The following ONECUT3 variants were observed in gnomAD, a reference collection of about 807,000 sequenced individuals.
ONECUT3 encodes the protein one cut domain family member 3.
A neutral mutation model predicts 16.8 loss-of-function variants in ONECUT3; 11 were observed. That is an observed-to-expected ratio of 0.66 (90% CI 0.41 to 1.09). The LOEUF is 1.09. Ranked by LOEUF, ONECUT3 falls within the 50% of genes least tolerant of loss-of-function variation. The pLI, the probability that ONECUT3 is intolerant of heterozygous loss-of-function variation, is 0.00. For missense variants in ONECUT3, 637 were observed against 629.9 expected (o/e 1.01, Z -0.12); for synonymous variants, 344 against 310.7 (o/e 1.11, Z -1.13).
Position 1,758,020 on chromosome 19 carries a change from T to C in ONECUT3, c.1192+3166T>C, listed in dbSNP as rs1427458428. 2.0e-5 allele frequency among the ~76,000 whole-genome samples: 3 copies of C among 152,182 alleles called. No individual in the cohort carries two copies. Among genetic ancestry groups the C allele is most frequent in the African/African-American group, 7.2e-5 (3 of 41,456 alleles). On this transcript the variant is annotated intron_variant, in intron 1 of 1. Transcript: ENST00000382349. The surrounding 1 kb of genome is among the most constrained non-coding windows in gnomAD (Gnocchi z 5.9). ...TGCGCCCCGGGTCTCCCGTCGCGCTTGCCCGGCTCGGGGCGGGCCACGCGT... is the reference window on the plus strand; with the variant it reads ...TGCGCCCCGGGTCTCCCGTCGCGCTCGCCCGGCTCGGGGCGGGCCACGCGT...
At chr19:1,760,752 A>T (rs1475390041) in intron 1 of ONECUT3, among the ~76,000 whole-genome samples, 1 of 151,930 alleles carries the variant, frequency 6.6e-6, no homozygotes, top group Non-Finnish European at 1.5e-5. Context: ...CCCCCTCCCA[A>T]CGCCAGCCTC....
rs2067935016 is a variant in ONECUT3 at position 1,759,533 on chromosome 19, A to G, written c.1192+4679A>G. Among the ~76,000 whole-genome samples the G allele has an allele frequency of 6.6e-6, 1 of 151,842 alleles. No homozygotes were observed. Among genetic ancestry groups the G allele is most frequent in the South Asian group, 2.1e-4 (1 of 4,814 alleles). ...AGGGAAGGAAGGGGAGAGAGGAGAG[A>G]GGGAAAGACCCCTGTGCCTTTTGCA... On this transcript the variant is annotated intron_variant, in intron 1 of 1. Transcript: ENST00000382349. The surrounding 1 kb of genome is among the most constrained non-coding windows in gnomAD (Gnocchi z 4.1).
At position 1,779,420 on chromosome 19, in the gene ONECUT3, AGAGAGAGAGAGGGAGAGAGAGGGAGAGG is replaced by A. The variant is rs2068138387; in HGVS notation, c.*3988_*4015del. ...AAGAGAGAGAGAGAGCGAGCGCAAG[AGAGAGAGAGAGGGAGAGAGAGGGAGAGG>A]GAGAGAGAGAGGCAGAGGTATACCT... On this transcript the variant is annotated 3_prime_UTR_variant, in exon 2 of 2. Coordinates refer to ENST00000382349, the MANE Select transcript of ONECUT3 (RefSeq NM_001080488.2). 1 of 150,612 alleles carries A rather than the reference AGAGAGAGAGAGGGAGAGAGAGGGAGAGG, an allele frequency of 6.6e-6. No homozygotes were observed. The highest frequency in any genetic ancestry group is 1.5e-5 in the Non-Finnish European group (1 of 67,420). 9.3% of individuals were successfully genotyped at this position (150,612 alleles called of 1,614,324 possible). A position where few individuals can be genotyped will look rare whatever the true frequency, so the allele number is the denominator to read the frequency against.
chr19:1,766,056 G>A lies in ONECUT3; in HGVS notation c.1193-9097G>A, dbSNP rs1251359624. Among the ~76,000 whole-genome samples the A allele has an allele frequency of 2.0e-5, 3 of 152,220 alleles. No individual in the cohort carries two copies. Among genetic ancestry groups the A allele is most frequent in the South Asian group, 2.1e-4 (1 of 4,834 alleles). The stretch of plus-strand genomic sequence containing the variant: ...GTCCAAGGCCCCACAAGCTGATGCC[G>A]GTTTTCCCGCCCAGAACTGGAACAG... On this transcript the variant is annotated intron_variant, in intron 1 of 1. Transcript: ENST00000382349. The surrounding 1 kb of genome is among the most constrained non-coding windows in gnomAD (Gnocchi z 4.0).
chr19:1,763,398 T>TAAAAAAAAAAAAAA (rs2067958074), intron 1 of ONECUT3, among the ~76,000 whole-genome samples: 1 of 32,236 alleles, frequency 3.1e-5, no homozygotes, highest in African/African-American at 6.1e-5. Flanking sequence ...AAAAAAAAAT[T>TAAAAAAAAAAAAAA]AGCCAGATGT....
Position 1,754,606 on chromosome 19 carries a change from G to T in ONECUT3, c.944G>T (p.Gly315Val), listed in dbSNP as rs2067907140. The T allele has an allele frequency of 7.3e-7, 1 of 1,373,744 alleles. No homozygotes were observed. The highest frequency in any genetic ancestry group is 1.6e-5 in the South Asian group (1 of 64,404). The allele number at this position is 1,373,744 out of a possible 1,614,324, so 85.1% of individuals were successfully genotyped here. Residue 315 changes from glycine to valine, a missense_variant, in exon 1 of 2, where the codon GGC becomes GTC. By Grantham distance (109) the Gly-to-Val change is moderately radical. Around this residue, in one of 3 missense-constraint regions of ONECUT3, gnomAD observed 419 missense variants for 377.9 expected, o/e 1.11. Transcript: ENST00000382349. This position sits in a 1 kb window ranked among gnomAD's most constrained non-coding sequence, Gnocchi z 7.4. ...PGGSGGGPSA[G>V]AAAEEINTKE... The stretch of plus-strand genomic sequence containing the variant: ...GGGAGCGGCGGCGGCCCCAGCGCGG[G>T]CGCAGCGGCCGAGGAGATCAACACC...
chr19:1,767,577 C>G (rs2068004057), intron 1 of ONECUT3, among the ~76,000 whole-genome samples: 1 of 152,224 alleles, frequency 6.6e-6, no homozygotes, highest in Admixed American at 6.5e-5. Flanking sequence ...TGAGACACAG[C>G]CTACAGCCCC....
chr19:1,775,823 A>C lies in ONECUT3; in HGVS notation c.*378A>C. 1 of 159,904 alleles carries C rather than the reference A, an allele frequency of 6.3e-6. No homozygotes were observed. The highest frequency in any genetic ancestry group is 1.4e-5 in the Non-Finnish European group (1 of 73,496). The allele number at this position is 159,904 out of a possible 1,614,324, so 9.9% of individuals were successfully genotyped here. Reference sequence around the variant, plus strand: ...TCAAGAAGCACATACTAGAAATATAAACCGGGTATTTAAAAATGGAATTTT... The same window carrying C: ...TCAAGAAGCACATACTAGAAATATACACCGGGTATTTAAAAATGGAATTTT... On this transcript the variant is annotated 3_prime_UTR_variant, in exon 2 of 2. Coordinates refer to ENST00000382349, the MANE Select transcript of ONECUT3 (RefSeq NM_001080488.2).
intron 1 of ONECUT3, among the ~76,000 whole-genome samples, chr19:1,768,360 G>A (rs762760558): frequency 2.0e-5 from 3 of 152,154 alleles, no homozygotes; most frequent in African/African-American, 7.2e-5. Context: ...TGAGGCCAGC[G>A]GGGGAGGCCA....
At chr19:1,765,221 C>T (rs1163388964) in intron 1 of ONECUT3, among the ~76,000 whole-genome samples, 1 of 152,144 alleles carries the variant, frequency 6.6e-6, no homozygotes, top group African/African-American at 2.4e-5. Flanking sequence ...TGGGGACCCC[C>T]CAGGAGCCTC....
rs116527630 is a variant in ONECUT3 at position 1,777,398 on chromosome 19, G to A, written c.*1953G>A. 0.014 allele frequency: 2,191 copies of A among 151,518 alleles called. 66 individuals are homozygous for A. Among genetic ancestry groups the A allele is most frequent in the African/African-American group, 0.051 (2,064 of 40,848 alleles). The allele number at this position is 151,518 out of a possible 1,614,324, so 9.4% of individuals were successfully genotyped here. On this transcript the variant is annotated 3_prime_UTR_variant, in exon 2 of 2. Transcript: ENST00000382349. Reference sequence around the variant, plus strand: ...CATGCAGAGACATGCAGACACGCAGGCACACATGCACACATGCAAAGACAC... The same window carrying A: ...CATGCAGAGACATGCAGACACGCAGACACACATGCACACATGCAAAGACAC...
chr19:1,765,011 CAGGGAGG>C (rs1425255034), intron 1 of ONECUT3, among the ~76,000 whole-genome samples: 1 of 152,118 alleles, frequency 6.6e-6, no homozygotes, highest in Non-Finnish European at 1.5e-5. Flanking sequence ...CTCCAGGACA[CAGGGAGG>C]ACGGGCACAC....
rs1479433554 is a variant in ONECUT3, at chr19:1,777,223, CCCAATA to C, written c.*1779_*1784del. The C allele has an allele frequency of 6.6e-6, 1 of 152,298 alleles. No homozygotes were observed. The highest frequency in any genetic ancestry group is 2.4e-5 in the African/African-American group (1 of 41,424). The allele number at this position is 152,298 out of a possible 1,614,324, so 9.4% of individuals were successfully genotyped here. ...TAGAACATTTGGGTGTTGGGGGGTT[CCCAATA>C]GTAGAAAGGGTCCCCATTCCTGCTC... On this transcript the variant is annotated 3_prime_UTR_variant, in exon 2 of 2. Coordinates refer to ENST00000382349, the MANE Select transcript of ONECUT3 (RefSeq NM_001080488.2).
rs200468566 is a variant in ONECUT3, at chr19:1,780,973, T to A, written c.*5528T>A. 10 of 138,732 alleles carry A rather than the reference T, an allele frequency of 7.2e-5. No homozygotes were observed. Among genetic ancestry groups the A allele is most frequent in the East Asian group, 2.1e-4 (1 of 4,700 alleles). 8.6% of individuals were successfully genotyped at this position (138,732 alleles called of 1,614,324 possible). A position where few individuals can be genotyped will look rare whatever the true frequency, so the allele number is the denominator to read the frequency against. On this transcript the variant is annotated 3_prime_UTR_variant, in exon 2 of 2. Transcript: ENST00000382349. Reference sequence around the variant, plus strand: ...ACCCTTGGGCGACAGGCTTAAAAGCTAAAAAAAAAAAAAAATCTCGTCATT... The same window carrying A: ...ACCCTTGGGCGACAGGCTTAAAAGCAAAAAAAAAAAAAAAATCTCGTCATT...
Position 1,775,279 on chromosome 19 carries a change from C to A in ONECUT3, c.1319C>A (p.Ser440Tyr). 1 of 1,604,818 alleles carries A rather than the reference C, an allele frequency of 6.2e-7. No homozygotes were observed. Among genetic ancestry groups the A allele is most frequent in the Non-Finnish European group, 8.5e-7 (1 of 1,175,640 alleles). ...ATCTTCAAGGAGAACAAGCGGCCGT[C>A]CAAGGAGATGCAGGTCACCATCTCG... ...IAIFKENKRP[S>Y]KEMQVTISQQ... Residue 440 changes from serine to tyrosine, a missense_variant, in exon 2 of 2, where the codon TCC becomes TAC. Coordinates refer to ENST00000382349, the MANE Select transcript of ONECUT3 (RefSeq NM_001080488.2).
In ONECUT3 at chr19:1,758,173, G is replaced by A. The variant is rs1600339124; in HGVS notation, c.1192+3319G>A. The stretch of plus-strand genomic sequence containing the variant: ...CGGGGAGATGGAGAGAGAGGGAGGG[G>A]TCGCGAGACAAAACCAGAGAGTGGG... On this transcript the variant is annotated intron_variant, in intron 1 of 1. Coordinates refer to ENST00000382349, the MANE Select transcript of ONECUT3 (RefSeq NM_001080488.2). This position sits in a 1 kb window ranked among gnomAD's most constrained non-coding sequence, Gnocchi z 5.9. 6.6e-6 allele frequency among the ~76,000 whole-genome samples: 1 copy of A among 152,056 alleles called. No individual in the cohort carries two copies. Among genetic ancestry groups the A allele is most frequent in the Non-Finnish European group, 1.5e-5 (1 of 67,992 alleles).
chr19:1,774,493 T>C, intron 1 of ONECUT3, among the ~76,000 whole-genome samples: 1 of 151,942 alleles, frequency 6.6e-6, no homozygotes, highest in East Asian at 1.9e-4. Flanking sequence ...CTGGGTTTTG[T>C]GATGCACCCC....
At chr19:1,767,184 C>T (rs1228477189) in intron 1 of ONECUT3, among the ~76,000 whole-genome samples, 3 of 152,232 alleles carry the variant, frequency 2.0e-5, no homozygotes, top group South Asian at 2.1e-4. Context: ...GGGGAAACTT[C>T]GTGGTTGGAA....
At chr19:1,757,853 G>A (rs1013035245) in intron 1 of ONECUT3, among the ~76,000 whole-genome samples, 3 of 152,136 alleles carry the variant, frequency 2.0e-5, no homozygotes, top group African/African-American at 4.8e-5. Context: ...GCTGGTGCTC[G>A]GAAAGGGAAC....
Sources: allele counts gnomAD v4.1 joint callset (sites outside exome capture counted in the v4.1 genomes callset), GRCh38; gene constraint gnomAD v4.1.1; regional missense constraint gnomAD v4.1.1; non-coding constraint Gnocchi (gnomAD v3.1); transcripts MANE v1.5; gene names NCBI Gene and HGNC (gene_info 2026-07-23, HGNC 2026-07-21).